The following MAP4K5 variants were observed in gnomAD, a reference collection of about 807,000 sequenced individuals.
MAP4K5 encodes MAPK/ERK kinase kinase kinase 5.
MAP4K5 carries 82 observed loss-of-function variants against 135.6 expected under a neutral mutation model. The ratio of observed to expected loss-of-function variants is 0.60; its 90% CI spans 0.51 to 0.73. The LOEUF is 0.73. Among genes scored for constraint, MAP4K5 ranks in the 30% least tolerant of loss-of-function variants. The probability of loss-of-function intolerance (pLI) is 0.00; values close to 1 mark genes in which losing one functional copy is unlikely to be tolerated. For synonymous variants in MAP4K5, 347 were observed against 335.0 expected (o/e 1.04, Z -0.39); for missense variants, 907 against 1,010.9 (o/e 0.90, Z 1.39).
intron 3 of MAP4K5, among the ~76,000 whole-genome samples, chr14:50,494,173 T>A (rs1349482772): frequency 1.3e-5 from 2 of 151,620 alleles, no homozygotes; most frequent in Admixed American, 6.6e-5. Flanking sequence ...TTATTTTATT[T>A]ATTTATTTTT....
intron 3 of MAP4K5, among the ~76,000 whole-genome samples, chr14:50,503,077 C>T (rs2037740868): frequency 6.6e-6 from 1 of 151,220 alleles, no homozygotes; most frequent in Non-Finnish European, 1.5e-5. Flanking sequence ...GAAAAAAGAA[C>T]ACTTCCACAT....
intron 1 of MAP4K5, among the ~76,000 whole-genome samples, chr14:50,545,420 G>T (rs569403555): frequency 6.6e-6 from 1 of 152,194 alleles, no homozygotes; most frequent in South Asian, 2.1e-4. Flanking sequence ...TCAGGAAGGG[G>T]TGTCTGCAGT....
intron 21 of MAP4K5, among the ~76,000 whole-genome samples, chr14:50,441,276 A>G (rs1211128498): frequency 6.6e-6 from 1 of 152,080 alleles, no homozygotes; most frequent in African/African-American, 2.4e-5. Flanking sequence ...ATCAGAAAGG[A>G]AAAAATAGTA....
At chr14:50,455,741 G>T (rs934221093) in intron 14 of MAP4K5, among the ~76,000 whole-genome samples, 3 of 151,930 alleles carry the variant, frequency 2.0e-5, no homozygotes, top group Non-Finnish European at 2.9e-5. Flanking sequence ...CTCTAGTATG[G>T]TTTACAATTT....
chr14:50,470,277 G>A (rs1030545437), intron 9 of MAP4K5, among the ~76,000 whole-genome samples: 10 of 152,082 alleles, frequency 6.6e-5, no homozygotes, highest in Non-Finnish European at 1.5e-5. Flanking sequence ...GCCCTCTTAA[G>A]AATGGGGAGG....
rs761413691 is a variant in MAP4K5, at chr14:50,532,039, G to C, written c.11C>G (p.Pro4Arg). 2 of 1,569,186 alleles carry C rather than the reference G, an allele frequency of 1.3e-6. No homozygotes were observed. Among genetic ancestry groups the C allele is most frequent in the East Asian group, 4.7e-5 (2 of 42,122 alleles). MEA[P>R]LRPAADILRR... ...CAGGATGTCCGCGGCAGGCCGCAGC[G>C]GGGCCTCCATCTTCACTTAGGGCCC... The change falls in exon 2 of 33, where the codon CCG (proline) becomes CGG (arginine). Residue 4 changes from proline (P) to arginine (R), a missense_variant. Transcript: ENST00000682126.
At chr14:50,423,490 T>A (rs1357879185) in intron 31 of MAP4K5, among the ~76,000 whole-genome samples, 1 of 151,894 alleles carries the variant, frequency 6.6e-6, no homozygotes, top group Non-Finnish European at 1.5e-5. Context: ...ATAGAATGGG[T>A]AGACTCAAGA....
chr14:50,435,374 C>G (rs1464309273), intron 26 of MAP4K5, among the ~76,000 whole-genome samples: 2 of 151,908 alleles, frequency 1.3e-5, no homozygotes, highest in African/African-American at 4.8e-5. Flanking sequence ...CTCCTTCTTT[C>G]TTTTTAAAGA....
chr14:50,437,883 A>T lies in MAP4K5; in HGVS notation c.1823+11T>A. 2.0e-6 allele frequency: 3 copies of T among 1,467,046 alleles called. No individual in the cohort carries two copies. The highest frequency in any genetic ancestry group is 1.2e-5 in the South Asian group (1 of 86,488). 90.9% of individuals were successfully genotyped at this position (1,467,046 alleles called of 1,614,324 possible). A position where few individuals can be genotyped will look rare whatever the true frequency, so the allele number is the denominator to read the frequency against. On this transcript the variant is annotated intron_variant, in intron 25 of 32. Coordinates refer to ENST00000682126, the MANE Select transcript of MAP4K5 (RefSeq NM_006575.6). ...CCCCTCATTCAGTAGAATCAAAATG[A>T]TATTTTGTACCTTGGTAGTATTCGG...
chr14:50,551,230 TC>T lies in MAP4K5; in HGVS notation c.-179-8647del, dbSNP rs571781704. 4.3e-3 allele frequency among the ~76,000 whole-genome samples: 658 copies of T among 152,224 alleles called. 6 individuals carry two copies. Among genetic ancestry groups the T allele is most frequent in the Non-Finnish European group, 5.0e-3 (338 of 68,006 alleles). On this transcript the variant is annotated intron_variant, in intron 1 of 8. Coordinates refer to the MAP4K5 transcript ENST00000555216. ...ATACTACAGAAATACAAAAGATCAT[TC>T]AAGGCTACTATGAACACCTTTATGT...
At chr14:50,512,085 A>C (rs889181953) in intron 2 of MAP4K5, among the ~76,000 whole-genome samples, 27 of 152,178 alleles carry the variant, frequency 1.8e-4, no homozygotes, top group Admixed American at 1.7e-3. Flanking sequence ...CAATAATTAT[A>C]ACAAATGTAC....
chr14:50,555,492 C>T (rs1222255785), intron 1 of MAP4K5, among the ~76,000 whole-genome samples: 1 of 152,140 alleles, frequency 6.6e-6, no homozygotes, highest in African/African-American at 2.4e-5. Context: ...CCGTGTTGCC[C>T]AGGCTGGTTT....
At chr14:50,508,553 C>T (rs1397396318) in intron 2 of MAP4K5, among the ~76,000 whole-genome samples, 1 of 151,674 alleles carries the variant, frequency 6.6e-6, no homozygotes, top group Admixed American at 6.6e-5. Flanking sequence ...ACATCACACA[C>T]TGGGGCCTGT....
In MAP4K5 at chr14:50,497,825, G is replaced by A. The variant is rs190813099; in HGVS notation, c.166+6975C>T. Among the ~76,000 whole-genome samples the A allele has an allele frequency of 2.6e-5, 4 of 151,932 alleles. No homozygotes were observed. The East Asian group carries it at 7.7e-4, about 29-fold the overall frequency. ...ATTTTATAAGTATTTCCGATTTACCGTTTTAAAAGACAAGCAAGGGAACAA... is the reference window on the plus strand; with the variant it reads ...ATTTTATAAGTATTTCCGATTTACCATTTTAAAAGACAAGCAAGGGAACAA... On this transcript the variant is annotated intron_variant, in intron 3 of 32. Transcript: ENST00000682126.
chr14:50,489,936 C>T (rs2037444855), intron 3 of MAP4K5, among the ~76,000 whole-genome samples: 1 of 152,172 alleles, frequency 6.6e-6, no homozygotes, highest in Admixed American at 6.5e-5. Flanking sequence ...GGGAGAAATA[C>T]TAGAGACCGA....
At chr14:50,496,142 T>C (rs1396423354) in intron 3 of MAP4K5, among the ~76,000 whole-genome samples, 1 of 152,048 alleles carries the variant, frequency 6.6e-6, no homozygotes, top group African/African-American at 2.4e-5. Context: ...CTGGCCAACA[T>C]GGTGAAACCC....
At chr14:50,492,075 C>T (rs1031176226) in intron 3 of MAP4K5, among the ~76,000 whole-genome samples, 13 of 152,256 alleles carry the variant, frequency 8.5e-5, no homozygotes, top group African/African-American at 3.1e-4. Context: ...CAAATATCAA[C>T]TGGTTTATGC....
chr14:50,473,550 T>A (rs1227307429), intron 9 of MAP4K5, among the ~76,000 whole-genome samples: 1 of 152,126 alleles, frequency 6.6e-6, no homozygotes, highest in East Asian at 1.9e-4. Context: ...ATTTCCTGTT[T>A]TTTTACTTGC....
chr14:50,448,245 C>T (rs2036402779), intron 15 of MAP4K5, among the ~76,000 whole-genome samples: 1 of 152,058 alleles, frequency 6.6e-6, no homozygotes, highest in South Asian at 2.1e-4. Context: ...GAACTCCTGA[C>T]CTCAGGTGAT....
Sources: allele counts gnomAD v4.1 joint callset (sites outside exome capture counted in the v4.1 genomes callset), GRCh38; gene constraint gnomAD v4.1.1; transcripts MANE v1.5; gene names NCBI Gene and HGNC (gene_info 2026-07-23, HGNC 2026-07-21).